The following PTK6 variants were observed in gnomAD, a reference collection of about 807,000 sequenced individuals.
PTK6 encodes the protein protein tyrosine kinase 6, also known as protein-tyrosine kinase 6.
PTK6 carries 47 observed loss-of-function variants against 47.5 expected under a neutral mutation model. That is an observed-to-expected ratio of 0.99 (90% CI 0.78 to 1.26). The LOEUF (loss-of-function observed/expected upper bound fraction) is 1.26. PTK6 is among the 50% of genes most tolerant of loss of function. The pLI, the probability that PTK6 is intolerant of heterozygous loss-of-function variation, is 0.00. For synonymous variants in PTK6, 287 were observed against 276.5 expected, an observed-to-expected ratio of 1.04 and a Z score of -0.38; for missense variants, 618 against 625.3, an observed-to-expected ratio of 0.99 and a Z score of 0.12.
rs1238929976 is a variant in PTK6, at chr20:63,535,124, C to T, written c.231-65G>A. 5 of 1,503,754 alleles carry T rather than the reference C, an allele frequency of 3.3e-6. No individual in the cohort carries two copies. The African/African-American group carries it at 6.9e-5, about 21-fold the overall frequency. The allele number at this position is 1,503,754 out of a possible 1,614,324, so 93.2% of individuals were successfully genotyped here. A position where few individuals can be genotyped will look rare whatever the true frequency, so the allele number is the denominator to read the frequency against. ...ACCCCACGTGGACCCCACGCTGGCC[C>T]CAGCCTGCCCGCCTGGAACCCCAGC... On this transcript the variant is annotated intron_variant, in intron 1 of 7. Coordinates refer to ENST00000542869, the MANE Select transcript of PTK6 (RefSeq NM_005975.4).
intron 2 of PTK6, 140 bp from the exon 3 acceptor site, chr20:63,534,455 C>A: frequency 8.7e-7 from 1 of 1,146,284 alleles, no homozygotes; most frequent in Non-Finnish European, 1.2e-6. Flanking sequence ...CCCCTGCCTC[C>A]CCTCCCTCAG....
Position 63,532,800 on chromosome 20 carries a change from GAC to G in PTK6, c.671-115_671-114del, listed in dbSNP as rs1386527988. The G allele has an allele frequency of 2.9e-6, 4 of 1,367,494 alleles. No individual in the cohort carries two copies. In the East Asian group the frequency reaches 9.9e-5, roughly 34 times the overall value. The allele number at this position is 1,367,494 out of a possible 1,614,324, so 84.7% of individuals were successfully genotyped here. A position where few individuals can be genotyped will look rare whatever the true frequency, so the allele number is the denominator to read the frequency against. ...GCCATCACACCCAGCAGCTGTGCAG[GAC>G]ACACAGACCTCCTGCCCCCGACAGG... On this transcript the variant is annotated intron_variant, in intron 4 of 7. Transcript: ENST00000542869.
Position 63,530,517 on chromosome 20 carries a change from G to A in PTK6, c.1014+229C>T, listed in dbSNP as rs1268175274. Among the ~76,000 whole-genome samples the A allele has an allele frequency of 3.3e-5, 5 of 152,144 alleles. No homozygotes were observed. The highest frequency in any genetic ancestry group is 3.3e-4 in the Admixed American group (5 of 15,282). On this transcript the variant is annotated intron_variant, in intron 6 of 7. Coordinates refer to ENST00000542869, the MANE Select transcript of PTK6 (RefSeq NM_005975.4). The surrounding 1 kb of genome is among the most constrained non-coding windows in gnomAD (Gnocchi z 4.1). Reference sequence around the variant, plus strand: ...GCCCAGGGCTGGGCCAGTGAACAAGGCACGTGAACAAGGCAGCGGCTGCGT... The same window carrying A: ...GCCCAGGGCTGGGCCAGTGAACAAGACACGTGAACAAGGCAGCGGCTGCGT...
intron 5 of PTK6, among the ~76,000 whole-genome samples, chr20:63,532,152 AGTGT>A (rs1387968978): frequency 7.0e-6 from 1 of 143,542 alleles, no homozygotes; most frequent in Admixed American, 6.7e-5. Flanking sequence ...TGTCTGGATC[AGTGT>A]GTGTCTGTGT....
In PTK6 at chr20:63,534,173, C is replaced by T; in HGVS notation, c.495G>A (p.Arg165=). The change falls in exon 3 of 8, where the codon CGG becomes CGA. Residue 165 remains arginine (R), a synonymous_variant. Coordinates refer to ENST00000542869, the MANE Select transcript of PTK6 (RefSeq NM_005975.4). ...HRAQSLSHGL[R]LAAPCRKHEP... ...CTACCTTCCGGCAGGGCGCGGCCAG[C>T]CGCAGGCCGTGGGACAGGCTCTGGG... The T allele has an allele frequency of 1.3e-6, 2 of 1,558,460 alleles. No individual in the cohort carries two copies. Among genetic ancestry groups the T allele is most frequent in the Non-Finnish European group, 1.7e-6 (2 of 1,152,616 alleles).
At position 63,530,129 on chromosome 20, in the gene PTK6, A is replaced by G. The variant is rs1026355138; in HGVS notation, c.1117T>C (p.Phe373Leu). 9 of 1,614,104 alleles carry G rather than the reference A, an allele frequency of 5.6e-6. No individual in the cohort carries two copies. The highest frequency in any genetic ancestry group is 7.6e-6 in the Non-Finnish European group (9 of 1,180,018). Residue 373 changes from phenylalanine to leucine, a missense_variant, in exon 7 of 8, where the codon TTT becomes CTT. Transcript: ENST00000542869. The surrounding 1 kb of genome is among the most constrained non-coding windows in gnomAD (Gnocchi z 4.1). ...AACATCTCATGCAGGAGAATCCCAA[A>G]GGACCAGACGTCGGATTTGGTGGAG... is the stretch of plus-strand genomic sequence containing the variant. ...HYSTKSDVWS[F>L]GILLHEMFSR...
Position 63,529,994 on chromosome 20 carries a change from G to A in PTK6, c.1168+84C>T. The A allele has an allele frequency of 1.3e-6, 2 of 1,510,844 alleles. No individual in the cohort carries two copies. Among genetic ancestry groups the A allele is most frequent in the Non-Finnish European group, 1.8e-6 (2 of 1,104,588 alleles). 93.6% of individuals were successfully genotyped at this position (1,510,844 alleles called of 1,614,324 possible). A position where few individuals can be genotyped will look rare whatever the true frequency, so the allele number is the denominator to read the frequency against. ...GGAGGGCCCTGAAGCCCGTGGGGGAGGCACCCCCCAGCGTCCCTGCCGGCT... is the reference window on the plus strand; with the variant it reads ...GGAGGGCCCTGAAGCCCGTGGGGGAAGCACCCCCCAGCGTCCCTGCCGGCT... On this transcript the variant is annotated intron_variant, in intron 7 of 7. Coordinates refer to ENST00000542869, the MANE Select transcript of PTK6 (RefSeq NM_005975.4). The surrounding 1 kb of genome is among the most constrained non-coding windows in gnomAD (Gnocchi z 5.6).
At chr20:63,536,937 G>A (rs1380251063) in intron 1 of PTK6, 148 bp downstream of exon 1, 26 of 861,974 alleles carry the variant, frequency 3.0e-5, no homozygotes, top group South Asian at 5.2e-5. Context: ...AGGATCAAGC[G>A]GGATGCCCAG....
chr20:63,531,791 G>A (rs1014405263), intron 5 of PTK6, among the ~76,000 whole-genome samples: 3 of 152,312 alleles, frequency 2.0e-5, no homozygotes, highest in Middle Eastern at 3.4e-3. Flanking sequence ...AGCGGCTTGC[G>A]GCCTGGTGGT....
At position 63,530,164 on chromosome 20, in the gene PTK6, C is replaced by T. The variant is rs766658804; in HGVS notation, c.1082G>A (p.Arg361Gln). The T allele has an allele frequency of 1.4e-5, 22 of 1,613,966 alleles. No homozygotes were observed. Among genetic ancestry groups the T allele is most frequent in the South Asian group, 4.4e-5 (4 of 91,092 alleles). ...YKWTAPEALS[R>Q]GHYSTKSDVW... is the part of the protein sequence containing the mutation. The stretch of plus-strand genomic sequence containing the variant: ...GTCGGATTTGGTGGAGTAATGGCCT[C>T]GGGAGAGCGCTTCAGGGGCCGTCCA... Residue 361 changes from arginine to glutamine, a missense_variant, in exon 7 of 8, where the codon CGA becomes CAA. Transcript: ENST00000542869. This position sits in a 1 kb window ranked among gnomAD's most constrained non-coding sequence, Gnocchi z 4.1.
intron 5 of PTK6, among the ~76,000 whole-genome samples, chr20:63,531,237 C>T (rs1037441970): frequency 2.0e-5 from 3 of 151,244 alleles, no homozygotes; most frequent in South Asian, 2.1e-4. Flanking sequence ...CTGGCTAACA[C>T]GGTGAAACCC....
chr20:63,534,028 T>C, intron 3 of PTK6, 124 bp downstream of exon 3: 1 of 1,298,450 alleles, frequency 7.7e-7, no homozygotes, highest in East Asian at 2.5e-5. Context: ...TTCCCTCCAG[T>C]GGGCCCCAGG....
At chr20:63,536,936 C>T (rs1158841285) in intron 1 of PTK6, 149 bp downstream of exon 1, 11 of 859,724 alleles carry the variant, frequency 1.3e-5, no homozygotes, top group East Asian at 5.3e-5. Flanking sequence ...GAGGATCAAG[C>T]GGGATGCCCA....
rs424668 is a variant in PTK6, at chr20:63,533,091, G to A, written c.671-404C>T. 3.3e-5 allele frequency among the ~76,000 whole-genome samples: 5 copies of A among 150,478 alleles called. No individual in the cohort carries two copies. The highest frequency in any genetic ancestry group is 1.3e-4 in the Admixed American group (2 of 15,152). The stretch of plus-strand genomic sequence containing the variant: ...CTTTCTTTTTTTTTTTTCCCAAGAC[G>A]GGGTCTTGCTCTGTCGCCCAGGCTG... On this transcript the variant is annotated intron_variant, in intron 4 of 7. Coordinates refer to ENST00000542869, the MANE Select transcript of PTK6 (RefSeq NM_005975.4). This position sits in a 1 kb window ranked among gnomAD's most constrained non-coding sequence, Gnocchi z 4.0.
Position 63,533,691 on chromosome 20 carries a change from G to C in PTK6, c.530C>G (p.Pro177Arg). ...AAPCRKHEPE[P>R]LPHWDDWERP... is the part of the protein sequence containing the mutation. ...CTCCCAGTCATCCCAATGGGGCAGG[G>C]GCTCAGGCTCGTGCTGGAGGAAGAG... The change falls in exon 4 of 8, where the codon CCC (proline) becomes CGC (arginine). Residue 177 changes from proline (P) to arginine (R), a missense_variant. Transcript: ENST00000542869. The surrounding 1 kb of genome is among the most constrained non-coding windows in gnomAD (Gnocchi z 4.0). 6.2e-7 allele frequency: 1 copy of C among 1,612,738 alleles called. No individual in the cohort carries two copies. The highest frequency in any genetic ancestry group is 8.5e-7 in the Non-Finnish European group (1 of 1,179,506).
intron 2 of PTK6, among the ~76,000 whole-genome samples, 163 bp from the exon 3 acceptor site, chr20:63,534,478 C>T (rs73150449): frequency 3.3e-5 from 5 of 152,342 alleles, no homozygotes; most frequent in African/African-American, 7.2e-5. Flanking sequence ...CGGCTCCCTC[C>T]TGCCCTGCAC....
At position 63,533,160 on chromosome 20, in the gene PTK6, T is replaced by C. The variant is rs1007340757; in HGVS notation, c.670+391A>G. ...TCAGCTCACTGCAATCTCCGCCTCC[T>C]GGGTTGAAGCGATTCTCCTGCCTCA... is the stretch of plus-strand genomic sequence containing the variant. On this transcript the variant is annotated intron_variant, in intron 4 of 7. Coordinates refer to ENST00000542869, the MANE Select transcript of PTK6 (RefSeq NM_005975.4). The surrounding 1 kb of genome is among the most constrained non-coding windows in gnomAD (Gnocchi z 4.0). Among the ~76,000 whole-genome samples, 2 of 151,876 alleles carry C rather than the reference T, an allele frequency of 1.3e-5. No homozygotes were observed. Among genetic ancestry groups the C allele is most frequent in the African/African-American group, 4.8e-5 (2 of 41,302 alleles).
chr20:63,531,923 C>T (rs571776623), intron 5 of PTK6, among the ~76,000 whole-genome samples: 42 of 152,342 alleles, frequency 2.8e-4, no homozygotes, highest in Middle Eastern at 3.4e-3. Context: ...CGCAAACGTG[C>T]GTGGTGCCTC....
Position 63,537,231 on chromosome 20 carries a change from G to C in PTK6, c.84C>G (p.Ser28Arg), listed in dbSNP as rs779583267. The C allele has an allele frequency of 6.2e-7, 1 of 1,612,426 alleles. No individual in the cohort carries two copies. The highest frequency in any genetic ancestry group is 8.5e-7 in the Non-Finnish European group (1 of 1,179,824). Residue 28 changes from serine to arginine, a missense_variant, in exon 1 of 8, where the codon AGC becomes AGG. By Grantham distance (110) the Ser-to-Arg change is moderately radical (BLOSUM62 -1). Transcript: ENST00000542869. ...DFKSRTDEEL[S>R]FRAGDVFHVA... ...CGTGGAAGACGTCCCCCGCGCGGAA[G>C]CTCAGCTCCTCGTCCGTCCGGGACT... is the stretch of plus-strand genomic sequence containing the variant.
Sources: gnomAD v4.1 joint callset for allele counts (sites outside exome capture counted in the v4.1 genomes callset) on GRCh38, gnomAD v4.1.1 for gene constraint, Gnocchi (gnomAD v3.1) non-coding constraint, MANE v1.5 for transcripts, NCBI Gene and HGNC (gene_info 2026-07-23, HGNC 2026-07-21) for gene names.